The following ATP9B variants were observed in gnomAD, a reference collection of about 807,000 sequenced individuals.
ATP9B encodes ATPase phospholipid transporting 9B, also known as probable phospholipid-transporting ATPase IIB.
ATP9B carries 110 observed loss-of-function variants against 146.1 expected under a neutral mutation model. That is an observed-to-expected ratio of 0.75 (90% CI 0.65 to 0.88). The LOEUF is 0.88. ATP9B is among the 40% of genes least tolerant of loss of function. ATP9B has a pLI of 0.00. For synonymous variants in ATP9B, 604 were observed against 569.7 expected, an observed-to-expected ratio of 1.06 and a Z score of -0.86; for missense variants, 1,499 against 1,496.4, an observed-to-expected ratio of 1.00 and a Z score of -0.03.
At chr18:79,147,202 G>A (rs368866955) in intron 6 of ATP9B, among the ~76,000 whole-genome samples, 20 of 151,992 alleles carry the variant, frequency 1.3e-4, no homozygotes, top group African/African-American at 4.3e-4. Context: ...CATAAAATTC[G>A]TGAATCAACA....
At chr18:79,171,035 T>C (rs925969044) in intron 7 of ATP9B, among the ~76,000 whole-genome samples, 9 of 152,246 alleles carry the variant, frequency 5.9e-5, no homozygotes, top group African/African-American at 2.2e-4. Flanking sequence ...GAAAGATTCT[T>C]TGCTAATGAG....
chr18:79,073,088 G>T lies in ATP9B; in HGVS notation c.119+3559G>T, dbSNP rs570361077. Among the ~76,000 whole-genome samples the T allele has an allele frequency of 2.5e-4, 38 of 152,094 alleles. 1 individual carries two copies. In the South Asian group the frequency reaches 7.1e-3, roughly 28 times the overall value. ...AGATGATGGGCCGCCAGGCGGAGAC[G>T]CTCCTCACTTCCTAGATGGGGTGGC... On this transcript the variant is annotated intron_variant, in intron 1 of 29. Transcript: ENST00000426216.
intron 7 of ATP9B, chr18:79,174,344 A>G (rs1262904190): frequency 5.6e-6 from 1 of 179,928 alleles, no homozygotes; most frequent in Non-Finnish European, 1.2e-5. Flanking sequence ...AATCCTGTGT[A>G]TAATTTGATT....
intron 15 of ATP9B, chr18:79,307,443 G>A (rs559093702): frequency 4.2e-5 from 28 of 663,722 alleles, no homozygotes; most frequent in South Asian, 2.0e-4. Flanking sequence ...ATGTGCGGCC[G>A]CCACATCTCG....
chr18:79,098,162 G>A (rs989177791), intron 2 of ATP9B, among the ~76,000 whole-genome samples: 4 of 151,930 alleles, frequency 2.6e-5, no homozygotes, highest in Non-Finnish European at 5.9e-5. Context: ...TTAATAAATG[G>A]TGCTGGGAAA....
At chr18:79,256,022 G>T (rs2145158339) in intron 12 of ATP9B, among the ~76,000 whole-genome samples, 1 of 151,942 alleles carries the variant, frequency 6.6e-6, no homozygotes, top group East Asian at 1.9e-4. Context: ...TTGTGGATTG[G>T]TACATGGTCA....
chr18:79,100,952 C>G (rs1029439564), intron 2 of ATP9B, among the ~76,000 whole-genome samples: 3 of 152,190 alleles, frequency 2.0e-5, no homozygotes. Context: ...CCTCCCACAA[C>G]AGGTGGGAAT....
chr18:79,288,003 C>A (rs2096462383), intron 13 of ATP9B, among the ~76,000 whole-genome samples: 1 of 151,748 alleles, frequency 6.6e-6, no homozygotes, highest in South Asian at 2.1e-4. Flanking sequence ...AATTTCTGTT[C>A]TTTTACATTT....
chr18:79,248,705 C>G lies in ATP9B; in HGVS notation c.1108-4676C>G, dbSNP rs578053168. On this transcript the variant is annotated intron_variant, in intron 11 of 29. Coordinates refer to ENST00000426216, the MANE Select transcript of ATP9B (RefSeq NM_198531.5). ...TTGTCCTATATTCACAGGGAAACTA[C>G]AGGACAAACTAAAATAATTTAGTTT... 8.5e-5 allele frequency among the ~76,000 whole-genome samples: 13 copies of G among 152,336 alleles called. No homozygotes were observed. In the East Asian group the frequency reaches 2.5e-3, roughly 29 times the overall value.
intron 11 of ATP9B, among the ~76,000 whole-genome samples, chr18:79,248,982 A>G (rs2095996556): frequency 6.6e-6 from 1 of 152,006 alleles, no homozygotes; most frequent in Non-Finnish European, 1.5e-5. Flanking sequence ...TTGCTTAGGA[A>G]CTTAGTAGTA....
At chr18:79,080,111 C>G (rs1218034764) in intron 1 of ATP9B, among the ~76,000 whole-genome samples, 1 of 152,106 alleles carries the variant, frequency 6.6e-6, no homozygotes, top group Non-Finnish European at 1.5e-5. Flanking sequence ...TTAGGATTGT[C>G]TTGGCTATGT....
chr18:79,245,665 TAGTG>T (rs2095942434), intron 11 of ATP9B, among the ~76,000 whole-genome samples: 1 of 142,784 alleles, frequency 7.0e-6, no homozygotes, highest in African/African-American at 2.6e-5. Flanking sequence ...GGTACCGCCC[TAGTG>T]ACTGTGCGGA....
chr18:79,375,706 C>T, intron 29 of ATP9B: 1 of 985,364 alleles, frequency 1.0e-6, no homozygotes, highest in Non-Finnish European at 1.2e-6. Flanking sequence ...ACATATTTGC[C>T]TTTTCAGTTG....
At chr18:79,164,030 C>T (rs1339035995) in intron 7 of ATP9B, among the ~76,000 whole-genome samples, 1 of 151,994 alleles carries the variant, frequency 6.6e-6, no homozygotes, top group Non-Finnish European at 1.5e-5. Context: ...GTGATCCTTC[C>T]ACCTCAGTTT....
rs2096881056 is a variant in ATP9B at position 79,345,465 on chromosome 18, T to C, written c.2510T>C (p.Leu837Pro). 6.2e-7 allele frequency: 1 copy of C among 1,614,038 alleles called. No homozygotes were observed. Among genetic ancestry groups the C allele is most frequent in the East Asian group, 2.2e-5 (1 of 44,882 alleles). Residue 837 changes from leucine to proline, a missense_variant, in exon 22 of 30, where the codon CTG (leucine) becomes CCG (proline). Leu to Pro is a moderately conservative substitution (Grantham distance 98, BLOSUM62 -3). Transcript: ENST00000426216. Reference sequence around the variant, plus strand: ...TACTACGAGCATGAATTTGTGGAGCTGGCCTGCCAGTGCCCTGCCGTGGTT... The same window carrying C: ...TACTACGAGCATGAATTTGTGGAGCCGGCCTGCCAGTGCCCTGCCGTGGTT... ...LKYYEHEFVE[L>P]ACQCPAVVCC...
At chr18:79,129,160 G>T (rs2094336428) in intron 5 of ATP9B, among the ~76,000 whole-genome samples, 1 of 152,160 alleles carries the variant, frequency 6.6e-6, no homozygotes, top group Non-Finnish European at 1.5e-5. Context: ...CTAATGAATA[G>T]CCTGTAGTAG....
chr18:79,131,041 A>C (rs139509111), intron 5 of ATP9B, among the ~76,000 whole-genome samples: 1 of 152,096 alleles, frequency 6.6e-6, no homozygotes, highest in Non-Finnish European at 1.5e-5. Flanking sequence ...TGCACCTGTA[A>C]TCCCAGTTAG....
intron 12 of ATP9B, among the ~76,000 whole-genome samples, chr18:79,274,163 A>G (rs115181230): frequency 0.023 from 3,436 of 152,274 alleles, 137 homozygotes; most frequent in African/African-American, 0.078. Context: ...GGTTTAATAT[A>G]TATTGAGGGG....
At chr18:79,366,099 G>C (rs7240019) in intron 26 of ATP9B, among the ~76,000 whole-genome samples, 1 of 152,138 alleles carries the variant, frequency 6.6e-6, no homozygotes, top group African/African-American at 2.4e-5. Flanking sequence ...TTGAAAGCTG[G>C]TATTGATTCT....
Sources: gnomAD v4.1 joint callset for allele counts (sites outside exome capture counted in the v4.1 genomes callset) on GRCh38, gnomAD v4.1.1 for gene constraint, MANE v1.5 for transcripts, NCBI Gene and HGNC (gene_info 2026-07-23, HGNC 2026-07-21) for gene names.